TCERG1L: variants seen among roughly 807,000 people sequenced by gnomAD.
TCERG1L encodes the protein transcription elongation regulator 1 like.
Under a neutral mutation model 56.3 loss-of-function variants are expected in TCERG1L, and 37 were observed. The observed-to-expected ratio is 0.66, with a 90% CI of 0.51 to 0.87. The LOEUF (loss-of-function observed/expected upper bound fraction) is 0.87. Ranked by LOEUF, TCERG1L falls within the 40% of genes least tolerant of loss-of-function variation. The pLI is 0.00. For synonymous variants in TCERG1L, 324 were observed against 326.3 expected, an observed-to-expected ratio of 0.99 and a Z score of 0.08; for missense variants, 799 against 774.2, an observed-to-expected ratio of 1.03 and a Z score of -0.38.
At chr10:131,131,361 T>C (rs1845616347) in intron 8 of TCERG1L, among the ~76,000 whole-genome samples, 1 of 152,104 alleles carries the variant, frequency 6.6e-6, no homozygotes, top group South Asian at 2.1e-4. Flanking sequence ...TCAAAGCAGG[T>C]CTGAACTATG....
At chr10:131,181,215 G>A (rs1845172017) in intron 4 of TCERG1L, among the ~76,000 whole-genome samples, 1 of 388 alleles carries the variant, frequency 2.6e-3, no homozygotes, top group African/African-American at 0.012. Flanking sequence ...GGGCCACTGG[G>A]GCCAGAAAGA....
chr10:131,098,298 C>T lies in TCERG1L; in HGVS notation c.1604+8G>A. On this transcript the variant is annotated splice_region_variant and intron_variant, in intron 11 of 11. Coordinates refer to ENST00000368642, the MANE Select transcript of TCERG1L (RefSeq NM_174937.4). ...CAGAAATCATCCGGTATATTTCTCTCTCCATACCTGGGAGACACTTTAGAT... is the reference window on the plus strand; with the variant it reads ...CAGAAATCATCCGGTATATTTCTCTTTCCATACCTGGGAGACACTTTAGAT... 6.4e-7 allele frequency: 1 copy of T among 1,550,474 alleles called. No individual in the cohort carries two copies. Among genetic ancestry groups the T allele is most frequent in the African/African-American group, 1.4e-5 (1 of 73,118 alleles).
chr10:131,201,178 A>G (rs1469238718), intron 4 of TCERG1L, among the ~76,000 whole-genome samples: 1 of 152,202 alleles, frequency 6.6e-6, no homozygotes, highest in African/African-American at 2.4e-5. Flanking sequence ...AGTCAGGCCC[A>G]CCACCCGCAT....
At chr10:131,096,629 G>A (rs1012265002) in intron 11 of TCERG1L, among the ~76,000 whole-genome samples, 3 of 152,272 alleles carry the variant, frequency 2.0e-5, no homozygotes, top group East Asian at 1.9e-4. Context: ...GGCCAGGCGC[G>A]GTGGCTCATG....
intron 5 of TCERG1L, among the ~76,000 whole-genome samples, chr10:131,165,277 G>C (rs927971805): frequency 2.0e-5 from 3 of 152,272 alleles, no homozygotes; most frequent in African/African-American, 4.8e-5. Flanking sequence ...GAAGCATCTC[G>C]CACAGTCTCC....
chr10:131,117,868 G>A (rs1308716655), intron 8 of TCERG1L, among the ~76,000 whole-genome samples: 7 of 152,306 alleles, frequency 4.6e-5, no homozygotes, highest in African/African-American at 1.2e-4. Context: ...TTGAAAAAAC[G>A]AAATGTTTGC....
intron 4 of TCERG1L, among the ~76,000 whole-genome samples, chr10:131,251,614 T>C (rs1846112695): frequency 6.6e-6 from 1 of 152,144 alleles, no homozygotes; most frequent in Non-Finnish European, 1.5e-5. Flanking sequence ...TCAGAGGAAA[T>C]GCAGAAATGG....
chr10:131,144,973 T>C (rs1466476449), intron 7 of TCERG1L, among the ~76,000 whole-genome samples: 2 of 152,292 alleles, frequency 1.3e-5, no homozygotes, highest in East Asian at 1.9e-4. Context: ...CCTGACCTGA[T>C]TTGGTCCAAA....
At chr10:131,234,091 C>T (rs2133513402) in intron 4 of TCERG1L, among the ~76,000 whole-genome samples, 1 of 152,330 alleles carries the variant, frequency 6.6e-6, no homozygotes, top group Admixed American at 6.5e-5. Flanking sequence ...TCTTGAACTT[C>T]CCAGTGTGCA....
At chr10:131,285,519 AGAAAGAGAG>A (rs1846524420) in intron 3 of TCERG1L, among the ~76,000 whole-genome samples, 1 of 12,884 alleles carries the variant, frequency 7.8e-5, no homozygotes. Context: ...AAAGAAAGAA[AGAAAGAGAG>A]AAAGAAAAGA....
chr10:131,274,023 T>C (rs78411042), intron 3 of TCERG1L, among the ~76,000 whole-genome samples: 8,095 of 152,156 alleles, frequency 0.053, 337 homozygotes, highest in Admixed American at 0.14. Flanking sequence ...TTCTGTTTGG[T>C]TGAGAGAGGA....
rs749586566 is a variant in TCERG1L at position 131,309,236 on chromosome 10, G to T, written c.406C>A (p.Pro136Thr). The stretch of plus-strand genomic sequence containing the variant: ...GAAGGGCAGAGATGTGGGAAGACGG[G>T]CACCAGCTCCACTGTGGAAGAGGGG... ...LPPSSTVELVPVFPHLCPSAL... is the reference protein window; with the variant it reads ...LPPSSTVELVTVFPHLCPSAL... Residue 136 changes from proline (P) to threonine (T), a missense_variant, in exon 2 of 12, where the codon CCC (proline) becomes ACC (threonine). Transcript: ENST00000368642. 2.5e-6 allele frequency: 4 copies of T among 1,606,942 alleles called. No homozygotes were observed. In the South Asian group the frequency reaches 4.5e-5, roughly 18 times the overall value.
chr10:131,151,365 G>A (rs1845865651), intron 6 of TCERG1L, among the ~76,000 whole-genome samples: 1 of 151,204 alleles, frequency 6.6e-6, no homozygotes, highest in Admixed American at 6.6e-5. Flanking sequence ...ATACTAAATG[G>A]GAGAAATTGG....
intron 11 of TCERG1L, among the ~76,000 whole-genome samples, chr10:131,093,742 C>T (rs918839950): frequency 2.6e-5 from 4 of 152,194 alleles, no homozygotes; most frequent in African/African-American, 9.7e-5. Flanking sequence ...CTTGTTTCTT[C>T]CCCCAGTTAG....
chr10:131,180,094 C>A (rs2397746), intron 4 of TCERG1L, among the ~76,000 whole-genome samples: 1 of 152,018 alleles, frequency 6.6e-6, no homozygotes, highest in African/African-American at 2.4e-5. Context: ...CCAACCTGCT[C>A]GACAAGGGAC....
chr10:131,105,594 C>T (rs1455789505), intron 9 of TCERG1L, among the ~76,000 whole-genome samples: 2 of 151,976 alleles, frequency 1.3e-5, no homozygotes, highest in East Asian at 1.9e-4. Context: ...ATGGAATACT[C>T]GTTCATGCCT....
chr10:131,311,355 G>GGCAGCGGCA lies in TCERG1L; in HGVS notation c.272_280dup (p.Leu91_Leu93dup). ...GGCGGCGGCGGAGTCTGGCGCAGAG[G>GGCAGCGGCA]GCAGCGGCAGCAGCGGGAGCACCGG... On this transcript the variant is annotated inframe_insertion, in exon 1 of 12. Transcript: ENST00000368642. This position sits in a 1 kb window ranked among gnomAD's most constrained non-coding sequence, Gnocchi z 4.0. 8.3e-7 allele frequency: 1 copy of GGCAGCGGCA among 1,201,560 alleles called. No individual in the cohort carries two copies. The highest frequency in any genetic ancestry group is 1.0e-6 in the Non-Finnish European group (1 of 969,768). 74.4% of individuals were successfully genotyped at this position (1,201,560 alleles called of 1,614,324 possible). A position where few individuals can be genotyped will look rare whatever the true frequency, so the allele number is the denominator to read the frequency against.
At chr10:131,245,527 G>C (rs1008873836) in intron 4 of TCERG1L, among the ~76,000 whole-genome samples, 1 of 152,084 alleles carries the variant, frequency 6.6e-6, no homozygotes, top group African/African-American at 2.4e-5. Flanking sequence ...CACCCAAAAC[G>C]AGGGGGCGGC....
In TCERG1L at chr10:131,260,918, C is replaced by G. The variant is rs1044621632; in HGVS notation, c.671-474G>C. 8.5e-5 allele frequency among the ~76,000 whole-genome samples: 13 copies of G among 152,236 alleles called. No homozygotes were observed. Among genetic ancestry groups the G allele is most frequent in the African/African-American group, 3.1e-4 (13 of 41,554 alleles). ...GGTGGAGAGAGGTTTCCAGAGGACA[C>G]CAGGCTCAGCTGGGCCCTGCAGGGA... On this transcript the variant is annotated intron_variant, in intron 3 of 11. Transcript: ENST00000368642. This position sits in a 1 kb window ranked among gnomAD's most constrained non-coding sequence, Gnocchi z 5.8.
Sources: gnomAD v4.1 joint callset for allele counts (sites outside exome capture counted in the v4.1 genomes callset) on GRCh38, gnomAD v4.1.1 for gene constraint, Gnocchi (gnomAD v3.1) non-coding constraint, MANE v1.5 for transcripts, NCBI Gene and HGNC (gene_info 2026-07-23, HGNC 2026-07-21) for gene names.